Variants in C1QTNF5 observed in about 807,000 individuals in gnomAD.
C1QTNF5 encodes C1q and TNF related 5.
Under a neutral mutation model 10.9 loss-of-function variants are expected in C1QTNF5, and 5 were observed. That is an observed-to-expected ratio of 0.46 (90% CI 0.24 to 0.97). C1QTNF5 has a LOEUF of 0.97. C1QTNF5 is among the 50% of genes least tolerant of loss of function. The pLI is 0.19. For missense variants in C1QTNF5, 281 were observed against 339.4 expected (o/e 0.83, Z 1.35); for synonymous variants, 161 against 156.5 (o/e 1.03, Z -0.22).
chr11:119,344,908 G>GT, upstream of C1QTNF5: 2 of 1,612,534 alleles, frequency 1.2e-6, no homozygotes, highest in Non-Finnish European at 8.5e-7. Flanking sequence ...ACCAGGCATG[G>GT]AAACCAAATC....
chr11:119,345,519 G>T, upstream of C1QTNF5: 1 of 1,614,128 alleles, frequency 6.2e-7, no homozygotes, highest in Non-Finnish European at 8.5e-7. Context: ...GAGCTGTATT[G>T]CATGGTCTGT....
chr11:119,341,789 G>A, upstream of C1QTNF5: 2 of 1,613,212 alleles, frequency 1.2e-6, no homozygotes, highest in Non-Finnish European at 1.7e-6. Flanking sequence ...AGGGAGAGTG[G>A]CCTTCAGGCA....
At chr11:119,341,370 G>A (rs886047826), upstream of C1QTNF5, 2 of 613,010 alleles carry the variant, frequency 3.3e-6, no homozygotes, top group East Asian at 2.7e-5. Flanking sequence ...ACAGGAAGGA[G>A]CAGGGAGGGT....
At chr11:119,345,059 G>A, upstream of C1QTNF5, 1 of 1,577,024 alleles carries the variant, frequency 6.3e-7, no homozygotes, top group South Asian at 1.2e-5. Context: ...GTCAGCCAGA[G>A]AGGAGCTTGC....
chr11:119,339,097 A>C lies in C1QTNF5; in HGVS notation c.*234T>G. 1.8e-6 allele frequency: 1 copy of C among 560,370 alleles called. No homozygotes were observed. The highest frequency in any genetic ancestry group is 3.1e-6 in the Non-Finnish European group (1 of 318,164). The allele number at this position is 560,370 out of a possible 1,614,324, so 34.7% of individuals were successfully genotyped here. ...AACTGGGGGACTTACACTTGCCAGC[A>C]CAGCACACTCCTCTGGTCTTGGGCA... On this transcript the variant is annotated 3_prime_UTR_variant, in exon 3 of 3. Transcript: ENST00000528368. The surrounding 1 kb of genome is among the most constrained non-coding windows in gnomAD (Gnocchi z 5.4).
upstream of C1QTNF5, chr11:119,344,435 C>A: frequency 6.3e-7 from 1 of 1,590,808 alleles, no homozygotes; most frequent in Non-Finnish European, 8.6e-7. Context: ...AGGATCTGTG[C>A]CTCCATCCAA....
chr11:119,342,448 CTG>C (rs1950511430), upstream of C1QTNF5: 1 of 1,007,266 alleles, frequency 9.9e-7, no homozygotes, highest in Non-Finnish European at 1.5e-6. Context: ...TTCCAGGACT[CTG>C]TGAAGTGGTC....
At chr11:119,346,211 AT>A in the C1QTNF5 span, 1 of 1,568,580 alleles carries the variant, frequency 6.4e-7, no homozygotes, top group Non-Finnish European at 8.7e-7. Flanking sequence ...GGTATTCCTC[AT>A]GCTGTCCTTG....
At chr11:119,341,358 G>GGAC (rs1211684695), upstream of C1QTNF5, 2 of 605,430 alleles carry the variant, frequency 3.3e-6, no homozygotes, top group Non-Finnish European at 5.8e-6. Flanking sequence ...ACCGGTAAAG[G>GGAC]GACAGGAAGG....
intron 2 of C1QTNF5, 68 bp downstream of exon 2, chr11:119,340,116 C>G: frequency 1.4e-6 from 2 of 1,463,498 alleles, no homozygotes; most frequent in Non-Finnish European, 1.8e-6. Flanking sequence ...TCCCGGACAC[C>G]GGGAGCTGGA....
chr11:119,342,029 C>T (rs754375043), upstream of C1QTNF5: 5 of 1,610,482 alleles, frequency 3.1e-6, no homozygotes, highest in South Asian at 4.4e-5. Context: ...TGCTCACTGG[C>T]TCTGTGGCCT....
chr11:119,345,775 G>T (rs145568020), upstream of C1QTNF5: 12 of 1,613,592 alleles, frequency 7.4e-6, no homozygotes, highest in Admixed American at 2.0e-4. Flanking sequence ...GTACTCACTG[G>T]ACTGTGGGGA....
At chr11:119,341,168 G>T (rs1419197158), upstream of C1QTNF5, 3 of 269,750 alleles carry the variant, frequency 1.1e-5, no homozygotes, top group Non-Finnish European at 2.2e-5. Context: ...GGATCCCTAG[G>T]GCCTAGGACA....
At chr11:119,346,679 G>T in the C1QTNF5 span, 3 of 704,496 alleles carry the variant, frequency 4.3e-6, no homozygotes, top group Non-Finnish European at 7.7e-6. Flanking sequence ...AGAGTGGTTT[G>T]GCCTATGGGC....
chr11:119,345,515 T>C (rs557306519), upstream of C1QTNF5: 13 of 1,614,136 alleles, frequency 8.1e-6, no homozygotes, highest in Admixed American at 1.7e-4. Context: ...TCTTGAGCTG[T>C]ATTGCATGGT....
At position 119,340,483 on chromosome 11, in the gene C1QTNF5, G is replaced by C. The variant is rs1295578669; in HGVS notation, c.-43-43C>G. 3.6e-6 allele frequency: 5 copies of C among 1,398,912 alleles called. No homozygotes were observed. In the African/African-American group the frequency reaches 7.3e-5, roughly 20 times the overall value. 86.7% of individuals were successfully genotyped at this position (1,398,912 alleles called of 1,614,324 possible). A position where few individuals can be genotyped will look rare whatever the true frequency, so the allele number is the denominator to read the frequency against. ...CTGGAGTCGGGACCCAGAATCCTGGGACCTGCCTCTCTCCCCACCCCGGCG... is the reference window on the plus strand; with the variant it reads ...CTGGAGTCGGGACCCAGAATCCTGGCACCTGCCTCTCTCCCCACCCCGGCG... On this transcript the variant is annotated intron_variant, in intron 1 of 2. Transcript: ENST00000528368.
rs548473478 is a variant in C1QTNF5, at chr11:119,340,718, C to A, written c.-67G>T. ...ACCCCCCCTCCCGGCTCCCCGATGG[C>A]CTCCTTCGGGGCGCTCGCTACTCCG... On this transcript the variant is annotated 5_prime_UTR_variant, in exon 1 of 3. Transcript: ENST00000528368. The A allele has an allele frequency of 2.5e-6, 1 of 393,180 alleles. No individual in the cohort carries two copies. Among genetic ancestry groups the A allele is most frequent in the Non-Finnish European group, 4.6e-6 (1 of 215,880 alleles). The allele number at this position is 393,180 out of a possible 1,614,324, so 24.4% of individuals were successfully genotyped here.
upstream of C1QTNF5, chr11:119,343,003 C>T (rs780870624): frequency 3.1e-6 from 5 of 1,601,668 alleles, no homozygotes; most frequent in African/African-American, 5.4e-5. Context: ...CTCCACAGAA[C>T]CTGCCCAAAG....
chr11:119,344,000 C>T (rs45575342), upstream of C1QTNF5: 7,030 of 1,608,862 alleles, frequency 4.4e-3, 39 homozygotes, highest in Middle Eastern at 0.012. Flanking sequence ...TTCATGGCCC[C>T]TTCTCCTGTC....
Sources: gnomAD v4.1 joint callset for allele counts on GRCh38, gnomAD v4.1.1 for gene constraint, Gnocchi (gnomAD v3.1) non-coding constraint, MANE v1.5 for transcripts, NCBI Gene and HGNC (gene_info 2026-07-23, HGNC 2026-07-21) for gene names.